Variants in ROBO2 observed in about 807,000 individuals in gnomAD.
ROBO2 encodes the protein roundabout guidance receptor 2, also known as roundabout homolog 2.
In ROBO2, 53 loss-of-function variants were observed where a neutral mutation model predicts 160.8. The observed-to-expected ratio is 0.33, with a 90% CI of 0.26 to 0.41. ROBO2 has a LOEUF of 0.41. Ranked by LOEUF, ROBO2 falls within the 10% of genes least tolerant of loss-of-function variation. The pLI is 1.00. For missense variants in ROBO2, 1,577 were observed against 1,722.4 expected, an observed-to-expected ratio of 0.92 and a Z score of 1.49; for synonymous variants, 664 against 611.7, an observed-to-expected ratio of 1.09 and a Z score of -1.26.
intron 2 of ROBO2, among the ~76,000 whole-genome samples, chr3:77,163,775 G>C (rs2078700537): frequency 6.6e-6 from 1 of 152,018 alleles, no homozygotes. Flanking sequence ...GAATACTCAT[G>C]GTTTATAATC....
At chr3:76,360,549 A>G (rs1292181948) in intron 2 of ROBO2, among the ~76,000 whole-genome samples, 1 of 152,140 alleles carries the variant, frequency 6.6e-6, no homozygotes, top group Non-Finnish European at 1.5e-5. Context: ...TCGCTTAGTA[A>G]GGGAAGGAGA....
At chr3:77,105,773 G>A (rs2072710099) in intron 2 of ROBO2, among the ~76,000 whole-genome samples, 1 of 152,112 alleles carries the variant, frequency 6.6e-6, no homozygotes, top group Non-Finnish European at 1.5e-5. Context: ...TGACTCCCAG[G>A]AAAGCACATA....
At chr3:76,886,559 A>C (rs2073906152) in intron 2 of ROBO2, among the ~76,000 whole-genome samples, 1 of 152,152 alleles carries the variant, frequency 6.6e-6, no homozygotes, top group Non-Finnish European at 1.5e-5. Context: ...GATGCTGTTT[A>C]CAGATGGGTG....
intron 2 of ROBO2, among the ~76,000 whole-genome samples, chr3:77,353,199 G>A: frequency 6.6e-6 from 1 of 152,132 alleles, no homozygotes; most frequent in East Asian, 1.9e-4. Flanking sequence ...TCTCTAAGAA[G>A]TTTTCAAAGC....
intron 2 of ROBO2, among the ~76,000 whole-genome samples, chr3:77,245,815 T>C (rs1236919556): frequency 6.6e-6 from 1 of 152,212 alleles, no homozygotes; most frequent in Non-Finnish European, 1.5e-5. Flanking sequence ...GAAGTTTAAG[T>C]GAGACTTGGG....
At chr3:76,671,806 A>G (rs2106670546) in intron 2 of ROBO2, among the ~76,000 whole-genome samples, 1 of 152,212 alleles carries the variant, frequency 6.6e-6, no homozygotes, top group Non-Finnish European at 1.5e-5. Context: ...TTGTATTTTT[A>G]AAATAATTTA....
chr3:75,935,803 T>G (rs1947750949), intron 1 of ROBO2, among the ~76,000 whole-genome samples: 1 of 152,174 alleles, frequency 6.6e-6, no homozygotes, highest in Admixed American at 6.5e-5. Flanking sequence ...GATCTAGAAC[T>G]AAATTCCTGC....
At chr3:76,589,114 A>T (rs1325798380) in intron 2 of ROBO2, among the ~76,000 whole-genome samples, 2 of 152,200 alleles carry the variant, frequency 1.3e-5, no homozygotes, top group African/African-American at 4.8e-5. Context: ...GGTGGTCTCA[A>T]CACAAAAGAA....
intron 2 of ROBO2, among the ~76,000 whole-genome samples, chr3:75,987,439 G>T (rs1410780784): frequency 6.6e-6 from 1 of 151,938 alleles, no homozygotes; most frequent in Non-Finnish European, 1.5e-5. Context: ...AACTATGTGT[G>T]TGTGCGTGTG....
At chr3:76,549,950 T>A (rs932944328) in intron 2 of ROBO2, among the ~76,000 whole-genome samples, 10 of 152,220 alleles carry the variant, frequency 6.6e-5, no homozygotes, top group African/African-American at 2.4e-4. Flanking sequence ...TTTCTCCCTT[T>A]TTACAGTTTT....
chr3:76,461,279 G>C (rs1411355406), intron 2 of ROBO2, among the ~76,000 whole-genome samples: 1 of 152,112 alleles, frequency 6.6e-6, no homozygotes, highest in Admixed American at 6.6e-5. Context: ...TCACTATCAT[G>C]AAGACAGCAC....
chr3:76,615,162 G>A (rs1333546423), intron 2 of ROBO2, among the ~76,000 whole-genome samples: 2 of 152,114 alleles, frequency 1.3e-5, no homozygotes, highest in African/African-American at 4.8e-5. Flanking sequence ...TTATAATGCT[G>A]ATGTTTTGGT....
chr3:76,379,648 G>T (rs1157712432), intron 2 of ROBO2, among the ~76,000 whole-genome samples: 1 of 151,990 alleles, frequency 6.6e-6, no homozygotes, highest in East Asian at 1.9e-4. Context: ...CTTATTTCAA[G>T]ATAAAATATG....
chr3:76,040,267 G>A (rs1439370469), intron 2 of ROBO2, among the ~76,000 whole-genome samples: 2 of 151,178 alleles, frequency 1.3e-5, no homozygotes, highest in Non-Finnish European at 2.9e-5. Context: ...CTTATTTTTT[G>A]AGTGCTTCAA....
intron 2 of ROBO2, among the ~76,000 whole-genome samples, chr3:76,751,790 C>G (rs1318368001): frequency 6.6e-6 from 1 of 152,064 alleles, no homozygotes; most frequent in African/African-American, 2.4e-5. Flanking sequence ...AGTCAGGAAA[C>G]AACAGGTGCT....
chr3:77,484,129 C>T (rs938287160), intron 4 of ROBO2, among the ~76,000 whole-genome samples: 2 of 151,960 alleles, frequency 1.3e-5, no homozygotes, highest in Non-Finnish European at 1.5e-5. Context: ...CATGAAATAA[C>T]ATCCTAATTA....
At chr3:77,643,750 T>C (rs925250972) in intron 24 of ROBO2, among the ~76,000 whole-genome samples, 2 of 152,192 alleles carry the variant, frequency 1.3e-5, no homozygotes, top group Admixed American at 6.5e-5. Context: ...TCTCCATGCA[T>C]TTCCCATAAC....
intron 1 of ROBO2, among the ~76,000 whole-genome samples, chr3:77,056,711 T>A: frequency 6.6e-6 from 1 of 152,186 alleles, no homozygotes; most frequent in East Asian, 1.9e-4. Context: ...TGTAACTTTT[T>A]TTCAAATGTA....
At chr3:76,204,719 T>G (rs1407017433) in intron 2 of ROBO2, among the ~76,000 whole-genome samples, 3 of 152,194 alleles carry the variant, frequency 2.0e-5, no homozygotes, top group African/African-American at 4.8e-5. Flanking sequence ...ATTGAGCATT[T>G]TGTCTCCTAT....
Sources: gnomAD v4.1 joint callset for allele counts (sites outside exome capture counted in the v4.1 genomes callset) on GRCh38, gnomAD v4.1.1 for gene constraint, MANE v1.5 for transcripts, NCBI Gene and HGNC (gene_info 2026-07-23, HGNC 2026-07-21) for gene names.